The following SULT2B1 variants were observed in gnomAD, a reference collection of about 807,000 sequenced individuals.
The protein encoded by SULT2B1 is sulfotransferase 2B1.
In SULT2B1, 16 loss-of-function variants were observed where a neutral mutation model predicts 33.2. The observed-to-expected ratio is 0.48, with a 90% CI of 0.33 to 0.73. The LOEUF (loss-of-function observed/expected upper bound fraction) is 0.73. Among genes scored for constraint, SULT2B1 ranks in the 30% least tolerant of loss-of-function variants. The pLI is 0.02. For missense variants in SULT2B1, 500 were observed against 506.0 expected (o/e 0.99, Z 0.11); for synonymous variants, 186 against 200.5 (o/e 0.93, Z 0.61).
At chr19:48,573,568 AG>A (rs1415749187) in intron 1 of SULT2B1, among the ~76,000 whole-genome samples, 1 of 152,062 alleles carries the variant, frequency 6.6e-6, no homozygotes, top group African/African-American at 2.4e-5. Context: ...AGAGAGTGGC[AG>A]GGTCGGGGGA....
intron 1 of SULT2B1, among the ~76,000 whole-genome samples, chr19:48,571,636 C>A (rs1272669599): frequency 1.4e-4 from 19 of 137,110 alleles, no homozygotes; most frequent in African/African-American, 1.9e-4. Flanking sequence ...AGAACAATAA[C>A]AAAAGAAAAA....
chr19:48,570,807 C>T (rs1382274433), intron 1 of SULT2B1, among the ~76,000 whole-genome samples: 1 of 151,830 alleles, frequency 6.6e-6, no homozygotes, highest in Non-Finnish European at 1.5e-5. Context: ...TCACTGCAAC[C>T]TCTGCCTCCC....
intron 2 of SULT2B1, among the ~76,000 whole-genome samples, chr19:48,586,704 G>A (rs1458596232): frequency 1.3e-5 from 2 of 152,214 alleles, no homozygotes; most frequent in East Asian, 1.9e-4. Context: ...TTGGACGAGC[G>A]ACATGGTTTC....
At chr19:48,572,199 G>C (rs914805019) in intron 1 of SULT2B1, among the ~76,000 whole-genome samples, 10 of 152,132 alleles carry the variant, frequency 6.6e-5, no homozygotes, top group Admixed American at 2.0e-4. Flanking sequence ...GAGGCTATTG[G>C]TCTAGAAGGT....
intron 3 of SULT2B1, 108 bp downstream of exon 3, chr19:48,587,545 C>A: frequency 1.6e-6 from 2 of 1,257,498 alleles, no homozygotes; most frequent in Non-Finnish European, 1.1e-6. Context: ...TTGTTAAACA[C>A]CTACTATGTG....
chr19:48,565,504 C>T (rs756848616), intron 1 of SULT2B1, among the ~76,000 whole-genome samples: 5 of 151,850 alleles, frequency 3.3e-5, no homozygotes, highest in African/African-American at 1.2e-4. Flanking sequence ...CTCAGCCTCC[C>T]GAGTAGCTGG....
intron 2 of SULT2B1, among the ~76,000 whole-genome samples, chr19:48,577,528 G>T (rs1442949864): frequency 6.6e-6 from 1 of 151,190 alleles, no homozygotes; most frequent in African/African-American, 2.4e-5. Context: ...ACTACACCCA[G>T]CTAATTTTTG....
chr19:48,584,217 C>A (rs892360758), intron 2 of SULT2B1, among the ~76,000 whole-genome samples: 1 of 152,204 alleles, frequency 6.6e-6, no homozygotes, highest in Non-Finnish European at 1.5e-5. Context: ...GGAAGAAGGA[C>A]TTCCCTGCCC....
At chr19:48,587,174 A>G in intron 2 of SULT2B1, 55 bp from the exon 3 acceptor site, 3 of 1,269,204 alleles carry the variant, frequency 2.4e-6, no homozygotes, top group Non-Finnish European at 3.3e-6. Context: ...TTCTGATGAT[A>G]TCTCCCTCTT....
chr19:48,588,735 G>A (rs1197405239), intron 3 of SULT2B1, among the ~76,000 whole-genome samples: 4 of 151,924 alleles, frequency 2.6e-5, no homozygotes, highest in Admixed American at 6.6e-5. Flanking sequence ...AGGAGGTCAA[G>A]GGGGCCCCCA....
At chr19:48,562,481 G>C (rs2147600047) in intron 1 of SULT2B1, among the ~76,000 whole-genome samples, 1 of 149,788 alleles carries the variant, frequency 6.7e-6, no homozygotes, top group Non-Finnish European at 1.5e-5. Flanking sequence ...AACCCCGGGA[G>C]GTAGGGGTTG....
chr19:48,560,159 T>A (rs1568402847), intron 1 of SULT2B1, among the ~76,000 whole-genome samples: 1 of 151,944 alleles, frequency 6.6e-6, no homozygotes, highest in Non-Finnish European at 1.5e-5. Flanking sequence ...ATTTGTGCTG[T>A]TTCTCTCTTT....
chr19:48,561,743 C>T (rs1389384610), intron 1 of SULT2B1, among the ~76,000 whole-genome samples: 2 of 152,080 alleles, frequency 1.3e-5, no homozygotes, highest in Non-Finnish European at 2.9e-5. Flanking sequence ...CCAGGGACCT[C>T]GAACCTAACG....
intron 2 of SULT2B1, 25 bp downstream of exon 2, chr19:48,576,108 G>A: frequency 6.3e-7 from 1 of 1,589,390 alleles, no homozygotes. Flanking sequence ...GCGGGCGTCG[G>A]GGGCTGGGGA....
At chr19:48,594,035 G>A (rs2072475201) in intron 5 of SULT2B1, among the ~76,000 whole-genome samples, 1 of 151,872 alleles carries the variant, frequency 6.6e-6, no homozygotes, top group African/African-American at 2.4e-5. Flanking sequence ...GAGGTAGGCA[G>A]ATCACCTGAG....
intron 1 of SULT2B1, 63 bp from the exon 2 acceptor site, chr19:48,575,878 C>T (rs1973398039): frequency 6.4e-7 from 1 of 1,565,570 alleles, no homozygotes; most frequent in South Asian, 1.2e-5. Context: ...GTGTCGCCAC[C>T]CTGAGAACTC....
At chr19:48,562,604 T>A (rs529157678) in intron 1 of SULT2B1, among the ~76,000 whole-genome samples, 5 of 152,178 alleles carry the variant, frequency 3.3e-5, no homozygotes, top group South Asian at 4.2e-4. Flanking sequence ...TATATGGATT[T>A]TTATTATTAT....
intron 6 of SULT2B1, among the ~76,000 whole-genome samples, chr19:48,598,806 C>G (rs1441372272): frequency 1.3e-5 from 2 of 152,020 alleles, no homozygotes; most frequent in East Asian, 1.9e-4. Flanking sequence ...GGAGGTGACA[C>G]AAGCTGTAAG....
At chr19:48,588,744 CA>C in intron 3 of SULT2B1, among the ~76,000 whole-genome samples, 1 of 151,650 alleles carries the variant, frequency 6.6e-6, no homozygotes, top group East Asian at 1.9e-4. Flanking sequence ...AGGGGGCCCC[CA>C]GTGAGTAAAA....
Sources: allele counts gnomAD v4.1 joint callset (sites outside exome capture counted in the v4.1 genomes callset), GRCh38; gene constraint gnomAD v4.1.1; transcripts MANE v1.5; gene names NCBI Gene and HGNC (gene_info 2026-07-23, HGNC 2026-07-21).